TCF4: variants seen among roughly 807,000 people sequenced by gnomAD.
The protein encoded by TCF4 is transcription factor 4, also known as SL3-3 enhancer factor 2.
In TCF4, 3 loss-of-function variants were observed where a neutral mutation model predicts 82.1. That is an observed-to-expected ratio of 0.04 (90% CI 0.02 to 0.09). The LOEUF is 0.09. Ranked by LOEUF, TCF4 falls within the 10% of genes least tolerant of loss-of-function variation. The pLI is 1.00. For missense variants in TCF4, 518 were observed against 852.7 expected (o/e 0.61, Z 4.89); for synonymous variants, 276 against 309.6 (o/e 0.89, Z 1.14).
chr18:55,228,551 T>C (rs1045679373), intron 18 of TCF4, among the ~76,000 whole-genome samples, 190 bp from the exon 19 acceptor site: 10 of 152,196 alleles, frequency 6.6e-5, no homozygotes, highest in Non-Finnish European at 1.5e-4. Flanking sequence ...TGTGAGTGTG[T>C]ACAGCCACTT....
At chr18:55,321,346 AT>A (rs2075439074) in intron 8 of TCF4, 1 of 343,858 alleles carries the variant, frequency 2.9e-6, no homozygotes, top group East Asian at 5.4e-5. Context: ...AGGAATAAGA[AT>A]TTTCCAAAAC....
At chr18:55,542,695 TA>T (rs2097174485) in intron 3 of TCF4, among the ~76,000 whole-genome samples, 1 of 151,940 alleles carries the variant, frequency 6.6e-6, no homozygotes, top group Admixed American at 6.6e-5. Flanking sequence ...ATCTGCCATG[TA>T]TTAGCACTGC....
chr18:55,421,057 C>T (rs2958168), intron 5 of TCF4, among the ~76,000 whole-genome samples: 4,846 of 151,978 alleles, frequency 0.032, 269 homozygotes, highest in African/African-American at 0.11. Context: ...GGGCAGTTTG[C>T]CCACACAAAA....
intron 8 of TCF4, among the ~76,000 whole-genome samples, chr18:55,348,683 A>G (rs913909244): frequency 2.0e-5 from 3 of 152,188 alleles, no homozygotes; most frequent in Admixed American, 2.0e-4. Context: ...ACAGTGATTA[A>G]GCAGATACAT....
chr18:55,311,475 G>A (rs139270163), intron 8 of TCF4, among the ~76,000 whole-genome samples: 117 of 152,256 alleles, frequency 7.7e-4, no homozygotes, highest in African/African-American at 2.6e-3. Context: ...ATGTCCCCTG[G>A]GGAACACCCT....
chr18:55,476,688 C>T lies in TCF4; in HGVS notation c.146-12551G>A, dbSNP rs192769935. Among the ~76,000 whole-genome samples the T allele has an allele frequency of 3.7e-4, 57 of 152,042 alleles. 1 individual carries two copies. Among genetic ancestry groups the T allele is most frequent in the Admixed American group, 6.6e-4 (10 of 15,252 alleles). On this transcript the variant is annotated intron_variant, in intron 3 of 19. Coordinates refer to ENST00000354452, the MANE Select transcript of TCF4 (RefSeq NM_001083962.2). ...TCACTATGTTGCTCAGGTTGATCTC[C>T]GACTCCTGGGCTCAGGCAATCCTCC...
At chr18:55,232,699 T>G (rs774925799) in intron 16 of TCF4, 28 bp from the exon 17 acceptor site, 17 of 1,613,838 alleles carry the variant, frequency 1.1e-5, no homozygotes, top group East Asian at 6.7e-5. Flanking sequence ...TCAGGTGACA[T>G]GTACACCACA....
intron 4 of TCF4, among the ~76,000 whole-genome samples, chr18:55,462,482 G>T (rs910814699): frequency 2.6e-5 from 4 of 152,168 alleles, no homozygotes; most frequent in Non-Finnish European, 4.4e-5. Context: ...TTTGTCTCAT[G>T]CAAACTTCTG....
chr18:55,631,365 A>C, exon 2 of TCF4: 1 of 1,548,632 alleles, frequency 6.5e-7, no homozygotes, highest in Non-Finnish European at 8.7e-7. Flanking sequence ...TAATGTTCTT[A>C]GATTGGTGTT....
intron 5 of TCF4, among the ~76,000 whole-genome samples, chr18:55,413,291 T>C (rs1220826647): frequency 2.6e-5 from 4 of 152,210 alleles, no homozygotes; most frequent in Non-Finnish European, 4.4e-5. Context: ...GCCTTAGCAC[T>C]GAATACAATT....
At chr18:55,610,080 C>T (rs2097705743) in intron 2 of TCF4, among the ~76,000 whole-genome samples, 1 of 152,096 alleles carries the variant, frequency 6.6e-6, no homozygotes, top group Non-Finnish European at 1.5e-5. Flanking sequence ...TGTGCCTAGC[C>T]TGTAACAGGC....
At chr18:55,351,919 A>G (rs1030613757) in intron 6 of TCF4, 18 of 835,266 alleles carry the variant, frequency 2.2e-5, no homozygotes, top group Non-Finnish European at 2.6e-5. Flanking sequence ...ACTATTTAAT[A>G]AAGAAATTTT....
Position 55,228,049 on chromosome 18 carries a change from G to A in TCF4, c.*5-19C>T. Reference sequence around the variant, plus strand: ...CTTGGACCTGAGAAAGGAAAAAAGAGAGAAAAAATTCATTAATATATTTGT... The same window carrying A: ...CTTGGACCTGAGAAAGGAAAAAAGAAAGAAAAAATTCATTAATATATTTGT... On this transcript the variant is annotated intron_variant, in intron 19 of 19. Transcript: ENST00000354452. The A allele has an allele frequency of 2.4e-6, 2 of 817,140 alleles. No homozygotes were observed. Among genetic ancestry groups the A allele is most frequent in the South Asian group, 3.7e-5 (2 of 54,236 alleles). The allele number at this position is 817,140 out of a possible 1,614,324, so 50.6% of individuals were successfully genotyped here.
intron 6 of TCF4, among the ~76,000 whole-genome samples, chr18:55,392,006 C>G (rs1371262110): frequency 1.6e-5 from 2 of 124,944 alleles, no homozygotes; most frequent in African/African-American, 6.5e-5. Flanking sequence ...CTCTGTCACC[C>G]AGGCTGCAGT....
intron 3 of TCF4, among the ~76,000 whole-genome samples, chr18:55,528,733 CATT>C (rs939076323): frequency 8.5e-5 from 13 of 152,144 alleles, no homozygotes; most frequent in African/African-American, 3.1e-4. Flanking sequence ...TATGTCTCTT[CATT>C]ATTGACTATT....
At chr18:55,548,441 A>T (rs1038908944) in intron 3 of TCF4, among the ~76,000 whole-genome samples, 1 of 152,044 alleles carries the variant, frequency 6.6e-6, no homozygotes. Context: ...AAATGCCTAC[A>T]CTGTCCCCTG....
intron 3 of TCF4, chr18:55,546,856 CT>C (rs1167312487): frequency 6.6e-6 from 1 of 152,224 alleles, no homozygotes; most frequent in African/African-American, 2.4e-5. Flanking sequence ...CATAACATTT[CT>C]TACTTTCAGT....
chr18:55,364,099 G>T lies in TCF4; in HGVS notation c.370-13096C>A, dbSNP rs142524021. The stretch of plus-strand genomic sequence containing the variant: ...AAGTTCACTTTCATATATAGCTAAT[G>T]GGAATGTAATCTGGTATAAACTTTC... On this transcript the variant is annotated intron_variant, in intron 6 of 19. Transcript: ENST00000354452. Among the ~76,000 whole-genome samples, 44 of 152,204 alleles carry T rather than the reference G, an allele frequency of 2.9e-4. 1 individual carries two copies. The East Asian group carries it at 7.5e-3, about 26-fold the overall frequency.
intron 15 of TCF4, among the ~76,000 whole-genome samples, chr18:55,240,228 C>G (rs903806267): frequency 3.3e-5 from 5 of 152,102 alleles, no homozygotes; most frequent in African/African-American, 4.8e-5. Context: ...GAAAGAAGAA[C>G]AACAACAAAA....
Sources: allele counts gnomAD v4.1 joint callset (sites outside exome capture counted in the v4.1 genomes callset), GRCh38; gene constraint gnomAD v4.1.1; transcripts MANE v1.5; gene names NCBI Gene and HGNC (gene_info 2026-07-23, HGNC 2026-07-21).